The following RYR1 variants were observed in gnomAD, a reference collection of about 807,000 sequenced individuals.
RYR1 encodes central core disease of muscle.
A neutral mutation model predicts 583.5 loss-of-function variants in RYR1; 342 were observed. The ratio of observed to expected loss-of-function variants is 0.59; its 90% CI spans 0.54 to 0.64. The LOEUF (loss-of-function observed/expected upper bound fraction) is 0.64. Among genes scored for constraint, RYR1 ranks in the 30% least tolerant of loss-of-function variants. The pLI, the probability that RYR1 is intolerant of heterozygous loss-of-function variation, is 0.00. For missense variants in RYR1, 6,032 were observed against 6,917.2 expected (o/e 0.87, Z 4.54); for synonymous variants, 2,791 against 2,822.5 (o/e 0.99, Z 0.35).
chr19:38,490,397 TA>T, intron 36 of RYR1, 121 bp downstream of exon 36: 1 of 987,256 alleles, frequency 1.0e-6, no homozygotes, highest in Non-Finnish European at 1.6e-6. Flanking sequence ...ACCCTAGTGA[TA>T]CATTTATCTC....
chr19:38,578,014 C>T lies in RYR1; in HGVS notation c.14269C>T (p.Arg4757Cys), dbSNP rs369132009. ...ACTAGAGATCACAGCCCACAATGAG[C>T]GCAAGCCCAACCCGCCGCCAGGGCT... is the stretch of plus-strand genomic sequence containing the variant. ...ATLEITAHNERKPNPPPGLLT... is the reference protein window; with the variant it reads ...ATLEITAHNECKPNPPPGLLT... The change falls in exon 98 of 106, where the codon CGC becomes TGC. Residue 4757 changes from arginine to cysteine, a missense_variant. By Grantham distance (180) the Arg-to-Cys change is radical (BLOSUM62 -3). Transcript: ENST00000359596. The T allele has an allele frequency of 3.7e-6, 6 of 1,613,998 alleles. No homozygotes were observed. The highest frequency in any genetic ancestry group is 2.2e-5 in the South Asian group (2 of 91,082).
Position 38,485,941 on chromosome 19 carries a change from G to C in RYR1, c.5286G>C (p.Leu1762=), listed in dbSNP as rs1969267562. Residue 1762 remains leucine (L), a synonymous_variant, in exon 34 of 106, where the codon CTG becomes CTC. Transcript: ENST00000359596. ...AAAATGGTCACCCCCGGCATGGCCT[G>C]CCGGGAGTTGGAGTCACCACTTCGC... ...STENGHPRHG[L]PGVGVTTSLR... The C allele has an allele frequency of 6.2e-7, 1 of 1,613,730 alleles. No individual in the cohort carries two copies. The highest frequency in any genetic ancestry group is 8.5e-7 in the Non-Finnish European group (1 of 1,179,990).
Position 38,494,852 on chromosome 19 carries a change from C to CTTTTT in RYR1, c.6548+227_6548+228insTTTTT, listed in dbSNP as rs780267024. 1.1e-4 allele frequency among the ~76,000 whole-genome samples: 16 copies of CTTTTT among 142,190 alleles called. 1 individual carries two copies. Among genetic ancestry groups the CTTTTT allele is most frequent in the African/African-American group, 3.4e-4 (12 of 35,412 alleles). The allele number at this position is 142,190 out of a possible 152,430, so 93.3% of individuals were successfully genotyped here. On this transcript the variant is annotated intron_variant, in intron 39 of 105. Coordinates refer to ENST00000359596, the MANE Select transcript of RYR1 (RefSeq NM_000540.3). ...CTCAGCAGGACATTCCCCACCCCCC[C>CTTTTT]CTTTTTTTTTTTTTTTGTGAGACTG...
chr19:38,523,545 CT>C, intron 69 of RYR1: 2 of 611,248 alleles, frequency 3.3e-6, no homozygotes, highest in Non-Finnish European at 5.8e-6. Flanking sequence ...TCTCTCATCT[CT>C]GTCTCCTTCC....
At chr19:38,469,926 C>T (rs966533982) in intron 27 of RYR1, among the ~76,000 whole-genome samples, 5 of 151,684 alleles carry the variant, frequency 3.3e-5, no homozygotes, top group Admixed American at 1.3e-4. Context: ...AAAAAATTAG[C>T]AAGGTGTGTA....
chr19:38,579,863 C>G (rs953434363), intron 99 of RYR1, 119 bp from the exon 100 acceptor site: 1 of 1,344,550 alleles, frequency 7.4e-7, no homozygotes, highest in Non-Finnish European at 1.1e-6. Flanking sequence ...ATGTACTCCC[C>G]AAACAGAGCT....
At position 38,502,930 on chromosome 19, in the gene RYR1, A is replaced by C; in HGVS notation, c.7886A>C (p.Asp2629Ala). 1 of 1,611,464 alleles carries C rather than the reference A, an allele frequency of 6.2e-7. No homozygotes were observed. The highest frequency in any genetic ancestry group is 8.5e-7 in the Non-Finnish European group (1 of 1,179,960). ...LQHLLRRLVF[D>A]VPILNEFAKM... ...CACCTGTTGCGCCGCCTGGTGTTCGACGTGCCCATCCTCAACGAGTTCGCC... is the reference window on the plus strand; with the variant it reads ...CACCTGTTGCGCCGCCTGGTGTTCGCCGTGCCCATCCTCAACGAGTTCGCC... Residue 2629 changes from aspartate to alanine, a missense_variant, in exon 49 of 106, where the codon GAC (aspartate) becomes GCC (alanine). By Grantham distance (126) the Asp-to-Ala change is moderately radical. Around this residue, in one of 11 missense-constraint regions of RYR1, gnomAD observed 250 missense variants for 162.3 expected, o/e 1.54. Transcript: ENST00000359596.
At position 38,442,598 on chromosome 19, in the gene RYR1, C is replaced by A. The variant is rs185861623; in HGVS notation, c.270+145C>A. 2.0e-4 allele frequency: 128 copies of A among 652,552 alleles called. No individual in the cohort carries two copies. In the East Asian group the frequency reaches 2.7e-3, roughly 14 times the overall value. 40.4% of individuals were successfully genotyped at this position (652,552 alleles called of 1,614,324 possible). A position where few individuals can be genotyped will look rare whatever the true frequency, so the allele number is the denominator to read the frequency against. ...TTCTTCCTCTCTCTGCCCTGCCCCC[C>A]ACAGGCCCTCAATTTGGATAAGTGG... On this transcript the variant is annotated intron_variant, in intron 3 of 105. Coordinates refer to ENST00000359596, the MANE Select transcript of RYR1 (RefSeq NM_000540.3).
chr19:38,472,256 G>T (rs184618999), intron 27 of RYR1, among the ~76,000 whole-genome samples: 1 of 152,018 alleles, frequency 6.6e-6, no homozygotes, highest in Non-Finnish European at 1.5e-5. Context: ...GTGCCACCAC[G>T]CCTGGCTAAT....
chr19:38,535,432 G>C, intron 81 of RYR1, 40 bp downstream of exon 81: 1 of 1,470,958 alleles, frequency 6.8e-7, no homozygotes, highest in South Asian at 1.1e-5. Context: ...GCTGTGTTTG[G>C]TGCCACTGCC....
chr19:38,495,194 C>G (rs1426160473), intron 39 of RYR1, among the ~76,000 whole-genome samples: 1 of 152,086 alleles, frequency 6.6e-6, no homozygotes, highest in Non-Finnish European at 1.5e-5. Flanking sequence ...ATCTGTAAAA[C>G]CGGGGAGAGC....
rs1232191548 is a variant in RYR1 at position 38,469,501 on chromosome 19, C to T, written c.3753C>T (p.His1251=). Residue 1251 remains histidine (H), a synonymous_variant, in exon 27 of 106, where the codon CAC becomes CAT. Coordinates refer to ENST00000359596, the MANE Select transcript of RYR1 (RefSeq NM_000540.3). ...LPQFEPVPLE[H]PHYEVSRVDG... ...AGTTTGAGCCAGTGCCCCTTGAACA[C>T]CCTCACTATGAGGTAAGGACTGAGC... The T allele has an allele frequency of 1.9e-6, 3 of 1,614,116 alleles. No homozygotes were observed. Among genetic ancestry groups the T allele is most frequent in the Non-Finnish European group, 2.5e-6 (3 of 1,180,012 alleles).
At chr19:38,556,081 C>G (rs1972866649) in intron 89 of RYR1, among the ~76,000 whole-genome samples, 1 of 152,104 alleles carries the variant, frequency 6.6e-6, no homozygotes, top group African/African-American at 2.4e-5. Flanking sequence ...CCAGGGTAGT[C>G]TCAAACTCCT....
chr19:38,573,574 G>A (rs983171296), intron 96 of RYR1, among the ~76,000 whole-genome samples: 2 of 151,924 alleles, frequency 1.3e-5, no homozygotes, highest in African/African-American at 4.8e-5. Context: ...CAGCTACTGG[G>A]AAGGCTGAAT....
At position 38,499,690 on chromosome 19, in the gene RYR1, T is replaced by A; in HGVS notation, c.7083T>A (p.Pro2361=). 6.2e-7 allele frequency: 1 copy of A among 1,600,712 alleles called. No individual in the cohort carries two copies. Among genetic ancestry groups the A allele is most frequent in the Non-Finnish European group, 8.5e-7 (1 of 1,179,802 alleles). ...NVVVRLLIRK[P]ECFGPALRGE... ...TGGTGCGGCTGCTCATCCGGAAGCC[T>A]GAGTGCTTCGGACCCGCCCTGCGGG... is the stretch of plus-strand genomic sequence containing the variant. Residue 2361 remains proline, a synonymous_variant, in exon 44 of 106, where the codon CCT becomes CCA. Coordinates refer to ENST00000359596, the MANE Select transcript of RYR1 (RefSeq NM_000540.3). The surrounding 1 kb of genome is among the most constrained non-coding windows in gnomAD (Gnocchi z 7.3).
chr19:38,543,257 C>A lies in RYR1; in HGVS notation c.11690-90C>A. ...TCTGGCATACAATAGGAACTCAACA[C>A]ATGAGTATTGCATAAATGAATAAAT... On this transcript the variant is annotated intron_variant, in intron 84 of 105. Transcript: ENST00000359596. The surrounding 1 kb of genome is among the most constrained non-coding windows in gnomAD (Gnocchi z 4.4). The A allele has an allele frequency of 9.2e-7, 1 of 1,091,726 alleles. No homozygotes were observed. The allele number at this position is 1,091,726 out of a possible 1,614,324, so 67.6% of individuals were successfully genotyped here.
In RYR1 at chr19:38,463,732, C is replaced by G. The variant is rs892282118; in HGVS notation, c.2683-15C>G. 1.3e-5 allele frequency: 21 copies of G among 1,612,494 alleles called. No homozygotes were observed. Among genetic ancestry groups the G allele is most frequent in the Non-Finnish European group, 1.8e-5 (21 of 1,178,688 alleles). The stretch of plus-strand genomic sequence containing the variant: ...GAAAGGGGAGCACATGGAGTTGACC[C>G]TGGGTTTTCTCCAGGTTCGGGATGA... On this transcript the variant is annotated splice_polypyrimidine_tract_variant and intron_variant, in intron 21 of 105. Coordinates refer to ENST00000359596, the MANE Select transcript of RYR1 (RefSeq NM_000540.3).
intron 94 of RYR1, 30 bp downstream of exon 94, chr19:38,570,723 G>A (rs1344613322): frequency 3.8e-6 from 6 of 1,567,604 alleles, no homozygotes; most frequent in African/African-American, 1.3e-5. Context: ...GGGAGGGTCA[G>A]GCCCTTTTCC....
At chr19:38,490,399 C>A in intron 36 of RYR1, 123 bp downstream of exon 36, 1 of 974,434 alleles carries the variant, frequency 1.0e-6, no homozygotes. Flanking sequence ...CCTAGTGATA[C>A]ATTTATCTCC....
Sources: allele counts gnomAD v4.1 joint callset (sites outside exome capture counted in the v4.1 genomes callset), GRCh38; gene constraint gnomAD v4.1.1; regional missense constraint gnomAD v4.1.1; non-coding constraint Gnocchi (gnomAD v3.1); transcripts MANE v1.5; gene names NCBI Gene and HGNC (gene_info 2026-07-23, HGNC 2026-07-21).